SYNE2: variants seen among roughly 807,000 people sequenced by gnomAD.
The protein encoded by SYNE2 is spectrin repeat containing nuclear envelope protein 2.
SYNE2 carries 431 observed loss-of-function variants against 856.3 expected under a neutral mutation model. The observed-to-expected ratio is 0.50, with a 90% confidence interval of 0.47 to 0.55. The LOEUF is 0.55. SYNE2 is among the 20% of genes least tolerant of loss of function. SYNE2 has a pLI of 0.00. For missense variants in SYNE2, 8,129 were observed against 8,023.2 expected, an observed-to-expected ratio of 1.01 and a Z score of -0.50; for synonymous variants, 2,923 against 2,872.3, an observed-to-expected ratio of 1.02 and a Z score of -0.56.
intron 1 of SYNE2, among the ~76,000 whole-genome samples, chr14:63,772,271 T>C (rs192920288): frequency 3.3e-5 from 5 of 152,110 alleles, no homozygotes; most frequent in Admixed American, 6.5e-5. Flanking sequence ...GGAGGATTGC[T>C]TGAGGCCAGG....
intron 14 of SYNE2, 68 bp downstream of exon 14, chr14:63,979,082 TG>T (rs943742821): frequency 4.9e-5 from 74 of 1,524,532 alleles, no homozygotes; most frequent in Non-Finnish European, 6.4e-5. Flanking sequence ...CATTTTTCCT[TG>T]GCATGATTTC....
chr14:64,045,314 G>C (rs1041060648), intron 45 of SYNE2, among the ~76,000 whole-genome samples: 2 of 152,014 alleles, frequency 1.3e-5, no homozygotes, highest in African/African-American at 4.8e-5. Context: ...TAGTCCTCAG[G>C]TACTGGATCA....
At chr14:63,985,912 G>A (rs1003276291) in intron 18 of SYNE2, among the ~76,000 whole-genome samples, 1 of 152,116 alleles carries the variant, frequency 6.6e-6, no homozygotes, top group East Asian at 1.9e-4. Flanking sequence ...GGAGGCTGAG[G>A]TAGGAGGATC....
At chr14:64,013,085 T>G (rs79276074) in intron 32 of SYNE2, among the ~76,000 whole-genome samples, 5,359 of 152,284 alleles carry the variant, frequency 0.035, 314 homozygotes, top group African/African-American at 0.12. Context: ...AAAGTGGGCC[T>G]AGTTCCCTTT....
chr14:64,137,661 G>A (rs1473405938), intron 78 of SYNE2, 126 bp from the exon 79 acceptor site: 3 of 979,584 alleles, frequency 3.1e-6, no homozygotes, highest in Non-Finnish European at 4.7e-6. Context: ...ATATAGTCTT[G>A]AATGTTGGGA....
At chr14:63,772,483 C>T (rs536824613) in intron 1 of SYNE2, among the ~76,000 whole-genome samples, 19 of 152,270 alleles carry the variant, frequency 1.2e-4, no homozygotes, top group African/African-American at 4.1e-4. Context: ...GTGACTCACA[C>T]CTGTAATCCC....
intron 2 of SYNE2, among the ~76,000 whole-genome samples, chr14:63,938,088 GT>G (rs1350822959): frequency 2.6e-5 from 4 of 152,132 alleles, no homozygotes; most frequent in African/African-American, 9.7e-5. Context: ...CAGAAGACAA[GT>G]GTATTGGAGA....
rs1451979567 is a variant in SYNE2 at position 63,950,358 on chromosome 14, A to G, written c.590+352A>G. ...CACTTGAGGTCAGGAGTTCGAGACCAGCCTGGCTAACATGGTGAAACCCCG... is the reference window on the plus strand; with the variant it reads ...CACTTGAGGTCAGGAGTTCGAGACCGGCCTGGCTAACATGGTGAAACCCCG... On this transcript the variant is annotated intron_variant, in intron 7 of 115. Transcript: ENST00000555002. Among the ~76,000 whole-genome samples the G allele has an allele frequency of 2.6e-5, 4 of 152,264 alleles. No homozygotes were observed. The East Asian group carries it at 7.7e-4, about 29-fold the overall frequency.
intron 109 of SYNE2, 107 bp downstream of exon 109, chr14:64,218,619 C>CT: frequency 9.3e-7 from 1 of 1,075,904 alleles, no homozygotes; most frequent in East Asian, 2.5e-5. Context: ...TTCGCCAGAA[C>CT]TGGGGGACTT....
intron 67 of SYNE2, 129 bp from the exon 68 acceptor site, chr14:64,120,798 A>G: frequency 2.0e-6 from 2 of 982,898 alleles, no homozygotes; most frequent in South Asian, 2.9e-5. Context: ...GTATATAATT[A>G]TAGCAAATAA....
chr14:63,941,700 T>C lies in SYNE2; in HGVS notation c.147T>C (p.Thr49=). ...TTTCTTGTGACCTTCTGCAGCACAC[T>C]TCTCCCTCAGTTATATCCGACCTAT... The part of the protein sequence containing the change: ...CWINSQLARH[T]SPSVISDLFT... Residue 49 remains threonine (T), a synonymous_variant, in exon 4 of 116, where the codon ACT becomes ACC. Coordinates refer to ENST00000555002, the MANE Select transcript of SYNE2 (RefSeq NM_182914.3). 6.2e-7 allele frequency: 1 copy of C among 1,613,910 alleles called. No individual in the cohort carries two copies. Among genetic ancestry groups the C allele is most frequent in the Non-Finnish European group, 8.5e-7 (1 of 1,179,788 alleles).
rs2097019597 is a variant in SYNE2, at chr14:64,030,030, G to A, written c.6850G>A (p.Ala2284Thr). 1 of 1,614,020 alleles carries A rather than the reference G, an allele frequency of 6.2e-7. No individual in the cohort carries two copies. The highest frequency in any genetic ancestry group is 8.5e-7 in the Non-Finnish European group (1 of 1,179,980). ...SFSDKPVDQI[A>T]VEEKLQKLQE... Reference sequence around the variant, plus strand: ...TTCTGATAAGCCTGTGGATCAAATAGCGGTTGAGGAAAAATTGCAGAAACT... The same window carrying A: ...TTCTGATAAGCCTGTGGATCAAATAACGGTTGAGGAAAAATTGCAGAAACT... The change falls in exon 44 of 116, where the codon GCG becomes ACG. Residue 2284 changes from alanine (A) to threonine (T), a missense_variant. By Grantham distance (58) the Ala-to-Thr change is moderately conservative. Around this residue, in one of 3 missense-constraint regions of SYNE2, gnomAD observed 297 missense variants for 380.9 expected, o/e 0.78. Coordinates refer to ENST00000555002, the MANE Select transcript of SYNE2 (RefSeq NM_182914.3).
chr14:63,982,066 G>C (rs2096589712), intron 16 of SYNE2, among the ~76,000 whole-genome samples: 1 of 152,120 alleles, frequency 6.6e-6, no homozygotes, highest in Admixed American at 6.5e-5. Context: ...AGAGAACTAA[G>C]AGAACTTACA....
chr14:64,063,004 A>G (rs1451578657), intron 50 of SYNE2, 109 bp downstream of exon 50: 3 of 1,257,188 alleles, frequency 2.4e-6, no homozygotes, highest in African/African-American at 1.5e-5. Flanking sequence ...AAATCTTCAC[A>G]GTGAGTTAAA....
At chr14:64,125,051 A>G (rs772539108) in intron 70 of SYNE2, 28 bp from the exon 71 acceptor site, 2 of 1,613,788 alleles carry the variant, frequency 1.2e-6, no homozygotes, top group Non-Finnish European at 1.7e-6. Context: ...TAAAACTGTC[A>G]GTAATAGGGT....
chr14:63,994,899 C>G, intron 22 of SYNE2, 145 bp from the exon 23 acceptor site: 1 of 502,774 alleles, frequency 2.0e-6, no homozygotes, highest in Non-Finnish European at 3.4e-6. Flanking sequence ...AAAACATCTC[C>G]CCCCAAAATA....
intron 1 of SYNE2, among the ~76,000 whole-genome samples, chr14:63,775,415 A>T (rs958749196): frequency 7.9e-5 from 12 of 151,920 alleles, no homozygotes; most frequent in Admixed American, 1.3e-4. Context: ...ATCTGGGATT[A>T]CAGGTGCCTG....
In SYNE2 at chr14:64,209,538, T is replaced by C. The variant is rs1226757101; in HGVS notation, c.18500T>C (p.Val6167Ala). ...GCAGCCTGCCCAAATTCCTCAGAGGTGTTGTACACGAGTGCCAAAGAGGAA... is the reference window on the plus strand; with the variant it reads ...GCAGCCTGCCCAAATTCCTCAGAGGCGTTGTACACGAGTGCCAAAGAGGAA... ...RTAACPNSSE[V>A]LYTSAKEELK... Residue 6167 changes from valine to alanine, a missense_variant, in exon 102 of 116, where the codon GTG (valine) becomes GCG (alanine). Around this residue, in one of 3 missense-constraint regions of SYNE2, gnomAD observed 5,410 missense variants for 5,284.8 expected, o/e 1.02. Transcript: ENST00000555002. 1 of 1,613,972 alleles carries C rather than the reference T, an allele frequency of 6.2e-7. No homozygotes were observed. Among genetic ancestry groups the C allele is most frequent in the East Asian group, 2.2e-5 (1 of 44,872 alleles).
At chr14:63,997,464 C>A in intron 25 of SYNE2, 73 bp downstream of exon 25, 4 of 1,177,952 alleles carry the variant, frequency 3.4e-6, no homozygotes, top group South Asian at 2.6e-5. Context: ...ATTCACTTCT[C>A]ATTAATTAGG....
Sources: allele counts gnomAD v4.1 joint callset (sites outside exome capture counted in the v4.1 genomes callset), GRCh38; gene constraint gnomAD v4.1.1; regional missense constraint gnomAD v4.1.1; transcripts MANE v1.5; gene names NCBI Gene and HGNC (gene_info 2026-07-23, HGNC 2026-07-21).